Variants in DDB1 observed in about 807,000 individuals in gnomAD.
DDB1 encodes the protein damage specific DNA binding protein 1.
Under a neutral mutation model 133.1 loss-of-function variants are expected in DDB1, and 18 were observed. The ratio of observed to expected loss-of-function variants is 0.14; its 90% CI spans 0.09 to 0.20. The LOEUF (loss-of-function observed/expected upper bound fraction) is 0.20, where lower values mean the gene tolerates loss of function less well. DDB1 is among the 10% of genes least tolerant of loss of function. The pLI is 1.00. For synonymous variants in DDB1, 580 were observed against 550.5 expected (o/e 1.05, Z -0.75); for missense variants, 828 against 1,459.2 (o/e 0.57, Z 7.05).
At chr11:61,312,562 T>C (rs1855994478) in intron 16 of DDB1, among the ~76,000 whole-genome samples, 1 of 147,130 alleles carries the variant, frequency 6.8e-6, no homozygotes, top group Non-Finnish European at 1.5e-5. Flanking sequence ...CAGGCTGGAG[T>C]GCAGCGGTGA....
intron 6 of DDB1, among the ~76,000 whole-genome samples, chr11:61,324,577 G>A (rs574142787): frequency 3.9e-5 from 6 of 151,970 alleles, no homozygotes; most frequent in South Asian, 2.1e-4. Context: ...GCTAAAGTAC[G>A]GTGGCTATTC....
At chr11:61,305,820 C>T (rs1855873785) in intron 21 of DDB1, among the ~76,000 whole-genome samples, 3 of 152,146 alleles carry the variant, frequency 2.0e-5, no homozygotes, top group Admixed American at 2.0e-4. Flanking sequence ...TAGTCACTAG[C>T]CACACATGGC....
Position 61,313,627 on chromosome 11 carries a change from G to A in DDB1, c.1941C>T (p.Thr647=). ...VLRTFRSLST[T]NVFACSDRPT... is the part of the protein sequence containing the mutation. ...GGCGGTCAGAACAAGCAAAGACGTT[G>A]GTGGTAGAAAGAGAACGAAAAGTCC... The change falls in exon 16 of 27, where the codon ACC becomes ACT. Residue 647 remains threonine (T), a synonymous_variant. Transcript: ENST00000301764. The A allele has an allele frequency of 6.2e-7, 1 of 1,614,172 alleles. No individual in the cohort carries two copies. Among genetic ancestry groups the A allele is most frequent in the Non-Finnish European group, 8.5e-7 (1 of 1,180,036 alleles).
Position 61,302,598 on chromosome 11 carries a change from C to T in DDB1, c.3096G>A (p.Thr1032=), listed in dbSNP as rs747443379. 1.3e-5 allele frequency: 21 copies of T among 1,614,042 alleles called. No homozygotes were observed. The highest frequency in any genetic ancestry group is 1.3e-5 in the Non-Finnish European group (15 of 1,180,028). ...TGACCTTACCTATCATGCCGTTGACCGTGCCGAAGAGCACCGAGCCTTGTG... is the reference window on the plus strand; with the variant it reads ...TGACCTTACCTATCATGCCGTTGACTGTGCCGAAGAGCACCGAGCCTTGTG... ...TPTQGSVLFG[T]VNGMIGLVTS... Residue 1032 remains threonine (T), a synonymous_variant, in exon 24 of 27, where the codon ACG becomes ACA. Transcript: ENST00000301764.
At chr11:61,303,571 C>T (rs1360533123) in intron 22 of DDB1, among the ~76,000 whole-genome samples, 16 of 151,842 alleles carry the variant, frequency 1.1e-4, no homozygotes, top group Admixed American at 1.1e-3. Context: ...GCCTGTAGTC[C>T]CAGCTACTCG....
At chr11:61,322,563 T>G in intron 8 of DDB1, 151 bp from the exon 9 acceptor site, 1 of 654,862 alleles carries the variant, frequency 1.5e-6, no homozygotes. Context: ...AGGGGACTAT[T>G]GACGAAAGAA....
chr11:61,303,362 C>T (rs1010876461), intron 22 of DDB1: 1 of 515,760 alleles, frequency 1.9e-6, no homozygotes. Flanking sequence ...AGAGATGGAG[C>T]CTAGTCAGAG....
intron 23 of DDB1, 55 bp downstream of exon 23, chr11:61,302,991 G>C: frequency 1.3e-6 from 2 of 1,517,982 alleles, no homozygotes; most frequent in East Asian, 4.5e-5. Context: ...GCATCCACCA[G>C]AGACCAAGGA....
chr11:61,300,956 C>G, intron 25 of DDB1, 24 bp from the exon 26 acceptor site: 2 of 1,613,494 alleles, frequency 1.2e-6, no homozygotes, highest in Admixed American at 1.7e-5. Context: ...TTAAGGAACA[C>G]GTGCTTATCA....
chr11:61,302,897 T>G, intron 23 of DDB1, 146 bp from the exon 24 acceptor site: 1 of 1,291,706 alleles, frequency 7.7e-7, no homozygotes, highest in South Asian at 1.4e-5. Context: ...AAGAGGTGGA[T>G]TTCTGTCACC....
chr11:61,316,619 T>A (rs767421464), intron 10 of DDB1, 52 bp from the exon 11 acceptor site: 4 of 1,592,326 alleles, frequency 2.5e-6, no homozygotes, highest in Non-Finnish European at 3.4e-6. Flanking sequence ...ACACTTAGCA[T>A]GCATATCTAC....
In DDB1 at chr11:61,311,940, A is replaced by G. The variant is rs758346327; in HGVS notation, c.2166-45T>C. The G allele has an allele frequency of 3.1e-6, 5 of 1,613,918 alleles. No homozygotes were observed. The Admixed American group carries it at 8.3e-5, about 27-fold the overall frequency. On this transcript the variant is annotated intron_variant, in intron 17 of 26. Coordinates refer to ENST00000301764, the MANE Select transcript of DDB1 (RefSeq NM_001923.5). ...CAACAGTGTCACTTAGAAAGTCAGA[A>G]GCACCCTACACCAACCCCCACTTCC...
intron 6 of DDB1, chr11:61,324,496 CT>C (rs1302029618): frequency 1.0e-5 from 2 of 199,350 alleles, no homozygotes; most frequent in African/African-American, 2.3e-5. Flanking sequence ...TAATTACCCC[CT>C]ACCACTGTGG....
At chr11:61,313,241 G>A (rs891411093) in intron 16 of DDB1, among the ~76,000 whole-genome samples, 5 of 152,180 alleles carry the variant, frequency 3.3e-5, no homozygotes, top group African/African-American at 1.2e-4. Context: ...ACAGTCATCT[G>A]AATCACCTGA....
Position 61,322,371 on chromosome 11 carries a change from G to A in DDB1, c.1047C>T (p.Ala349=). The change falls in exon 9 of 27, where the codon GCC becomes GCT. Residue 349 remains alanine, a synonymous_variant. Coordinates refer to ENST00000301764, the MANE Select transcript of DDB1 (RefSeq NM_001923.5). Reference sequence around the variant, plus strand: ...GTCCTAAGTTGGTAAAGGTTTCCATGGCCACTACATAGGAGCCTTGTTCAT... The same window carrying A: ...GTCCTAAGTTGGTAAAGGTTTCCATAGCCACTACATAGGAGCCTTGTTCAT... ...DSNEQGSYVV[A]METFTNLGPI... The A allele has an allele frequency of 6.2e-7, 1 of 1,614,128 alleles. No individual in the cohort carries two copies. The highest frequency in any genetic ancestry group is 8.5e-7 in the Non-Finnish European group (1 of 1,180,026).
chr11:61,303,667 G>A (rs1590678703), intron 22 of DDB1, among the ~76,000 whole-genome samples, 198 bp downstream of exon 22: 2 of 129,030 alleles, frequency 1.6e-5, no homozygotes, highest in Admixed American at 9.3e-5. Context: ...TCGCACCACC[G>A]CACTTCAGCC....
chr11:61,310,283 G>A lies in DDB1; in HGVS notation c.2401+12C>T. ...GGCGTAGATAAAAATTATCGAAAGA[G>A]CTCATGTGCACCTTCAAAGGTGTGT... is the stretch of plus-strand genomic sequence containing the variant. On this transcript the variant is annotated intron_variant, in intron 19 of 26. Transcript: ENST00000301764. 6.2e-7 allele frequency: 1 copy of A among 1,603,702 alleles called. No individual in the cohort carries two copies. Among genetic ancestry groups the A allele is most frequent in the Non-Finnish European group, 8.5e-7 (1 of 1,176,358 alleles).
intron 20 of DDB1, among the ~76,000 whole-genome samples, chr11:61,309,370 C>T (rs914473141): frequency 2.6e-5 from 4 of 152,078 alleles, no homozygotes; most frequent in South Asian, 4.1e-4. Flanking sequence ...CTGAGATTTC[C>T]GGGCTGATAG....
chr11:61,333,080 T>G lies in DDB1; in HGVS notation c.-112A>C. ...CGCAGCGAACTCCACTGCCGCTGCCTCCGCCCCAGAGACACGTTGCAGGCC... is the reference window on the plus strand; with the variant it reads ...CGCAGCGAACTCCACTGCCGCTGCCGCCGCCCCAGAGACACGTTGCAGGCC... On this transcript the variant is annotated 5_prime_UTR_variant, in exon 1 of 27. Transcript: ENST00000301764. 1 of 1,019,424 alleles carries G rather than the reference T, an allele frequency of 9.8e-7. No individual in the cohort carries two copies. The highest frequency in any genetic ancestry group is 1.4e-6 in the Non-Finnish European group (1 of 739,294). The allele number at this position is 1,019,424 out of a possible 1,614,324, so 63.1% of individuals were successfully genotyped here.
Sources: allele counts gnomAD v4.1 joint callset (sites outside exome capture counted in the v4.1 genomes callset), GRCh38; gene constraint gnomAD v4.1.1; transcripts MANE v1.5; gene names NCBI Gene and HGNC (gene_info 2026-07-23, HGNC 2026-07-21).